Variants in DSG2 observed in about 807,000 individuals in gnomAD.
The protein encoded by DSG2 is desmoglein-2.
Under a neutral mutation model 75.6 loss-of-function variants are expected in DSG2, and 45 were observed. The observed-to-expected ratio is 0.60, with a 90% CI of 0.47 to 0.76. The LOEUF (loss-of-function observed/expected upper bound fraction) is 0.76, where lower values mean the gene tolerates loss of function less well. Ranked by LOEUF, DSG2 falls within the 30% of genes least tolerant of loss-of-function variation. The pLI is 0.00. For missense variants in DSG2, 1,267 were observed against 1,357.4 expected (o/e 0.93, Z 1.05); for synonymous variants, 429 against 483.9 (o/e 0.89, Z 1.49).
Position 31,546,499 on chromosome 18 carries a change from T to C in DSG2, c.3113T>C (p.Ile1038Thr), listed in dbSNP as rs543979536. 9 of 1,614,186 alleles carry C rather than the reference T, an allele frequency of 5.6e-6. No homozygotes were observed. The East Asian group carries it at 2.0e-4, about 36-fold the overall frequency. The change falls in exon 15 of 15, where the codon ATA becomes ACA. Residue 1038 changes from isoleucine to threonine, a missense_variant. Transcript: ENST00000261590. ...CAGCCTACTCTGGCCATGCCTAATA[T>C]AGCAGTAGGACAGAATGTGACAGTG... ...GVQPTLAMPN[I>T]AVGQNVTVTE...
Position 31,548,984 on chromosome 18 carries a change from AGTT to A in DSG2, c.*2244_*2246del, listed in dbSNP as rs1405147664. 1 of 152,230 alleles carries A rather than the reference AGTT, an allele frequency of 6.6e-6. No individual in the cohort carries two copies. The highest frequency in any genetic ancestry group is 1.5e-5 in the Non-Finnish European group (1 of 68,048). 9.4% of individuals were successfully genotyped at this position (152,230 alleles called of 1,614,324 possible). A position where few individuals can be genotyped will look rare whatever the true frequency, so the allele number is the denominator to read the frequency against. Reference sequence around the variant, plus strand: ...AATTAGATCTGCTTGCAATAAAAAAAGTTGTCGGTTATCTAAAATTCAAATTTA... The same window carrying A: ...AATTAGATCTGCTTGCAATAAAAAAAGTCGGTTATCTAAAATTCAAATTTA... On this transcript the variant is annotated 3_prime_UTR_variant, in exon 15 of 15. Coordinates refer to ENST00000261590, the MANE Select transcript of DSG2 (RefSeq NM_001943.5).
chr18:31,526,364 G>A (rs1019113436), intron 8 of DSG2, among the ~76,000 whole-genome samples: 7 of 152,142 alleles, frequency 4.6e-5, no homozygotes, highest in African/African-American at 1.7e-4. Flanking sequence ...GAATAATGGT[G>A]ATATAAATGT....
At position 31,546,815 on chromosome 18, in the gene DSG2, T is replaced by C. The variant is rs1305465482; in HGVS notation, c.*72T>C. The C allele has an allele frequency of 1.7e-5, 26 of 1,521,072 alleles. No individual in the cohort carries two copies. Among genetic ancestry groups the C allele is most frequent in the Admixed American group, 8.4e-5 (5 of 59,812 alleles). 94.2% of individuals were successfully genotyped at this position (1,521,072 alleles called of 1,614,324 possible). On this transcript the variant is annotated 3_prime_UTR_variant, in exon 15 of 15. Transcript: ENST00000261590. ...AATTTCATGTTTCCAATGTACCTGATTTTTCATGAGCCTTACAGACACACA... is the reference window on the plus strand; with the variant it reads ...AATTTCATGTTTCCAATGTACCTGACTTTTCATGAGCCTTACAGACACACA...
chr18:31,527,506 T>A (rs1358458046), intron 8 of DSG2, among the ~76,000 whole-genome samples: 1 of 152,154 alleles, frequency 6.6e-6, no homozygotes, highest in Non-Finnish European at 1.5e-5. Context: ...AGCAACCGAG[T>A]GAGATAATTA....
chr18:31,510,930 C>T (rs55989406), intron 1 of DSG2, among the ~76,000 whole-genome samples: 6,456 of 152,200 alleles, frequency 0.042, 453 homozygotes, highest in African/African-American at 0.15. Flanking sequence ...CCAGCCACCC[C>T]TCCCATGCTT....
Position 31,520,087 on chromosome 18 carries a change from T to C in DSG2, c.216+150T>C, listed in dbSNP as rs1054617870. On this transcript the variant is annotated intron_variant, in intron 3 of 14. Coordinates refer to ENST00000261590, the MANE Select transcript of DSG2 (RefSeq NM_001943.5). Reference sequence around the variant, plus strand: ...AGATATATCTGAAAATTAGCAGAGCTTACTTTTTAGCATAAAGTATCAACT... The same window carrying C: ...AGATATATCTGAAAATTAGCAGAGCCTACTTTTTAGCATAAAGTATCAACT... 36 of 1,083,914 alleles carry C rather than the reference T, an allele frequency of 3.3e-5. No homozygotes were observed. The African/African-American group carries it at 5.3e-4, about 16-fold the overall frequency. 67.1% of individuals were successfully genotyped at this position (1,083,914 alleles called of 1,614,324 possible).
At chr18:31,536,845 TC>T (rs928363164) in intron 11 of DSG2, among the ~76,000 whole-genome samples, 4 of 152,226 alleles carry the variant, frequency 2.6e-5, no homozygotes, top group African/African-American at 9.7e-5. Flanking sequence ...AATCCTTCCT[TC>T]AACATTATTC....
At chr18:31,514,862 G>A (rs748379962) in intron 1 of DSG2, among the ~76,000 whole-genome samples, 34 of 152,126 alleles carry the variant, frequency 2.2e-4, no homozygotes, top group Non-Finnish European at 4.4e-5. Flanking sequence ...ATGAATTTAC[G>A]TTTGACTAGA....
intron 1 of DSG2, among the ~76,000 whole-genome samples, chr18:31,513,843 TG>T (rs1412336090): frequency 6.6e-6 from 1 of 152,192 alleles, no homozygotes; most frequent in Non-Finnish European, 1.5e-5. Flanking sequence ...CCAGCTAGTA[TG>T]GTGTGACAGA....
At chr18:31,505,713 GT>G (rs1423982824) in intron 1 of DSG2, among the ~76,000 whole-genome samples, 1 of 147,880 alleles carries the variant, frequency 6.8e-6, no homozygotes, top group Non-Finnish European at 1.5e-5. Context: ...CCAGGCTGGA[GT>G]GCAGTGGTGC....
At chr18:31,523,408 A>G (rs1485350723) in intron 6 of DSG2, among the ~76,000 whole-genome samples, 1 of 152,194 alleles carries the variant, frequency 6.6e-6, no homozygotes, top group Non-Finnish European at 1.5e-5. Context: ...ATCCAAAAAA[A>G]AGAAAAGAAA....
At chr18:31,535,218 G>A (rs2144339514) in intron 9 of DSG2, 52 bp from the exon 10 acceptor site, 2 of 1,229,590 alleles carry the variant, frequency 1.6e-6, no homozygotes, top group South Asian at 1.3e-5. Context: ...GATGTTAGAG[G>A]TTTCCAATTC....
intron 1 of DSG2, among the ~76,000 whole-genome samples, chr18:31,514,217 TG>T (rs1433084906): frequency 1.3e-5 from 2 of 152,198 alleles, no homozygotes; most frequent in African/African-American, 4.8e-5. Flanking sequence ...CTATTTAAGA[TG>T]TTAACATATG....
chr18:31,541,328 A>G lies in DSG2; in HGVS notation c.2001+14A>G, dbSNP rs2073266688. ...CCTGAAGACAAGGTCAGTGGATCAGATGTCAATATGACTTGTCTTCTTCTT... is the reference window on the plus strand; with the variant it reads ...CCTGAAGACAAGGTCAGTGGATCAGGTGTCAATATGACTTGTCTTCTTCTT... On this transcript the variant is annotated intron_variant, in intron 13 of 14. Coordinates refer to ENST00000261590, the MANE Select transcript of DSG2 (RefSeq NM_001943.5). 1.2e-6 allele frequency: 2 copies of G among 1,613,738 alleles called. No homozygotes were observed. The highest frequency in any genetic ancestry group is 1.7e-6 in the Non-Finnish European group (2 of 1,179,876).
At position 31,542,522 on chromosome 18, in the gene DSG2, G is replaced by A. The variant is rs773645222; in HGVS notation, c.2004G>A (p.Val668=). The A allele has an allele frequency of 6.6e-5, 107 of 1,613,696 alleles. 1 individual carries two copies. Among genetic ancestry groups the A allele is most frequent in the Non-Finnish European group, 8.2e-5 (97 of 1,180,000 alleles). Residue 668 remains valine, a splice_region_variant and synonymous_variant, in exon 14 of 15, where the codon GTG becomes GTA. Coordinates refer to ENST00000261590, the MANE Select transcript of DSG2 (RefSeq NM_001943.5). ...NNEGAPPEDK[V]VPSFLPVDQG... ...CTCAGCTGTGTTTGCTCTCACAGGT[G>A]GTGCCATCATTTCTGCCAGTGGATC...
At chr18:31,528,599 G>A (rs538962223) in intron 8 of DSG2, among the ~76,000 whole-genome samples, 4 of 151,636 alleles carry the variant, frequency 2.6e-5, no homozygotes, top group African/African-American at 9.7e-5. Context: ...AATTCCAGCT[G>A]CTTGGGAGGC....
chr18:31,501,818 G>GGTTA (rs1393517046), intron 1 of DSG2, among the ~76,000 whole-genome samples: 1 of 152,106 alleles, frequency 6.6e-6, no homozygotes, highest in African/African-American at 2.4e-5. Flanking sequence ...AGGTACTGGT[G>GGTTA]GTTAGCACTT....
In DSG2 at chr18:31,536,216, A is replaced by G. The variant is rs998496995; in HGVS notation, c.1438A>G (p.Thr480Ala). The G allele has an allele frequency of 6.2e-7, 1 of 1,614,044 alleles. No individual in the cohort carries two copies. The highest frequency in any genetic ancestry group is 8.5e-7 in the Non-Finnish European group (1 of 1,180,012). Residue 480 changes from threonine to alanine, a missense_variant, in exon 11 of 15, where the codon ACC becomes GCC. Coordinates refer to ENST00000261590, the MANE Select transcript of DSG2 (RefSeq NM_001943.5). ...VAISEDYPRK[T>A]ITGTVLINVE... ...TTATTTTTAAGATTATCCTAGAAAA[A>G]CCATCACTGGCACAGTCCTTATCAA...
At position 31,522,186 on chromosome 18, in the gene DSG2, A is replaced by C. The variant is rs1197138633; in HGVS notation, c.627A>C (p.Pro209=). The part of the protein sequence containing the change: ...RIVSLEPAYP[P]VFYLNKDTGE... Reference sequence around the variant, plus strand: ...TATCTCTGGAGCCTGCTTATCCTCCAGTGTTCTACCTAAATAAAGATACAG... The same window carrying C: ...TATCTCTGGAGCCTGCTTATCCTCCCGTGTTCTACCTAAATAAAGATACAG... Residue 209 remains proline, a synonymous_variant, in exon 6 of 15, where the codon CCA becomes CCC. Coordinates refer to ENST00000261590, the MANE Select transcript of DSG2 (RefSeq NM_001943.5). 2 of 1,613,790 alleles carry C rather than the reference A, an allele frequency of 1.2e-6. No individual in the cohort carries two copies. The highest frequency in any genetic ancestry group is 1.7e-6 in the Non-Finnish European group (2 of 1,179,838).
Sources: gnomAD v4.1 joint callset for allele counts (sites outside exome capture counted in the v4.1 genomes callset) on GRCh38, gnomAD v4.1.1 for gene constraint, MANE v1.5 for transcripts, NCBI Gene and HGNC (gene_info 2026-07-23, HGNC 2026-07-21) for gene names.